Variants in JARID2 observed in about 807,000 individuals in gnomAD.
JARID2 encodes protein Jumonji.
In JARID2, 21 loss-of-function variants were observed where a neutral mutation model predicts 125.6. The ratio of observed to expected loss-of-function variants is 0.17; its 90% CI spans 0.12 to 0.24. JARID2 has a LOEUF of 0.24. Ranked by LOEUF, JARID2 falls within the 10% of genes least tolerant of loss-of-function variation. The probability of loss-of-function intolerance (pLI) is 1.00; values close to 1 mark genes in which losing one functional copy is unlikely to be tolerated. For missense variants in JARID2, 1,303 were observed against 1,639.6 expected (o/e 0.79, Z 3.55); for synonymous variants, 736 against 661.6 (o/e 1.11, Z -1.73).
At chr6:15,263,074 TTGTGTGTG>T (rs561238062) in intron 1 of JARID2, among the ~76,000 whole-genome samples, 26,819 of 139,598 alleles carry the variant, frequency 0.19, 2,477 homozygotes, top group South Asian at 0.27. Flanking sequence ...GGGTGTGTGT[TTGTGTGTG>T]TGTGTGTGTG....
chr6:15,291,945 GA>G (rs1305471791), intron 1 of JARID2, among the ~76,000 whole-genome samples: 4 of 151,598 alleles, frequency 2.6e-5, no homozygotes, highest in Admixed American at 2.0e-4. Flanking sequence ...CAAATTTTTT[GA>G]AACCTCTCTC....
chr6:15,455,151 C>T (rs999561959), intron 4 of JARID2, among the ~76,000 whole-genome samples: 4 of 150,628 alleles, frequency 2.7e-5, no homozygotes, highest in African/African-American at 4.9e-5. Flanking sequence ...CATGATTGTG[C>T]CTCAGCACTG....
At chr6:15,415,863 C>CG (rs1398655996) in intron 3 of JARID2, among the ~76,000 whole-genome samples, 1 of 143,142 alleles carries the variant, frequency 7.0e-6, no homozygotes, top group East Asian at 2.2e-4. Context: ...GCTGGCTGGG[C>CG]GGGGGCTGAC....
chr6:15,320,024 T>A (rs1762301586), intron 1 of JARID2, among the ~76,000 whole-genome samples: 1 of 152,228 alleles, frequency 6.6e-6, no homozygotes. Context: ...CAAGTAATTT[T>A]AAGTAGACAA....
At chr6:15,515,103 G>A (rs895563756) in intron 16 of JARID2, among the ~76,000 whole-genome samples, 6 of 151,682 alleles carry the variant, frequency 4.0e-5, no homozygotes, top group South Asian at 4.2e-4. Context: ...GATGGAATGC[G>A]TGCTGTGATC....
chr6:15,280,785 C>T (rs893082783), intron 1 of JARID2, among the ~76,000 whole-genome samples: 1 of 152,016 alleles, frequency 6.6e-6, no homozygotes, highest in Non-Finnish European at 1.5e-5. Flanking sequence ...TGAGCCACCA[C>T]CCCTGGCTAA....
At chr6:15,341,248 A>G (rs1176761540) in intron 1 of JARID2, among the ~76,000 whole-genome samples, 1 of 152,136 alleles carries the variant, frequency 6.6e-6, no homozygotes. Flanking sequence ...TGCTTCATGT[A>G]CCTACTGTTT....
At chr6:15,462,966 A>G (rs1768523170) in intron 4 of JARID2, among the ~76,000 whole-genome samples, 1 of 152,240 alleles carries the variant, frequency 6.6e-6, no homozygotes, top group Non-Finnish European at 1.5e-5. Context: ...TTTGCACTTC[A>G]GTAAATATTG....
At chr6:15,429,036 A>G (rs948720178) in intron 3 of JARID2, among the ~76,000 whole-genome samples, 4 of 151,696 alleles carry the variant, frequency 2.6e-5, no homozygotes, top group Non-Finnish European at 5.9e-5. Context: ...GTTGAAAGCA[A>G]CATCATCCAT....
At chr6:15,473,514 G>GCCGCCC (rs1451318951) in intron 5 of JARID2, among the ~76,000 whole-genome samples, 2 of 35,000 alleles carry the variant, frequency 5.7e-5, no homozygotes, top group African/African-American at 1.4e-4. Flanking sequence ...TGATGTGCGT[G>GCCGCCC]CCCCCCCCCC....
chr6:15,440,951 G>A (rs1273755741), intron 3 of JARID2, among the ~76,000 whole-genome samples: 6 of 152,122 alleles, frequency 3.9e-5, no homozygotes, highest in Non-Finnish European at 7.3e-5. Flanking sequence ...ATTTTTGTTG[G>A]TGATAGTTTA....
chr6:15,435,622 A>G (rs1366064764), intron 3 of JARID2, among the ~76,000 whole-genome samples: 2 of 152,016 alleles, frequency 1.3e-5, no homozygotes, highest in Admixed American at 6.5e-5. Flanking sequence ...TTGTTTGTTT[A>G]TTACCTCATT....
intron 4 of JARID2, among the ~76,000 whole-genome samples, chr6:15,455,261 ATTTT>A (rs58117035): frequency 1.1e-4 from 17 of 149,232 alleles, no homozygotes; most frequent in Middle Eastern, 3.4e-3. Context: ...GTGGCTTAAA[ATTTT>A]TTTTTTTAAA....
Position 15,337,598 on chromosome 6 carries a change from T to A in JARID2, c.46-36519T>A, listed in dbSNP as rs555582694. 9.2e-5 allele frequency among the ~76,000 whole-genome samples: 14 copies of A among 152,302 alleles called. No individual in the cohort carries two copies. In the East Asian group the frequency reaches 2.7e-3, roughly 29 times the overall value. ...CCCCTGCCCGAGGAATTCAACCTGG[T>A]CTGAACTGGGAAAAGACATAAGGAT... On this transcript the variant is annotated intron_variant, in intron 1 of 17. Coordinates refer to ENST00000341776, the MANE Select transcript of JARID2 (RefSeq NM_004973.4).
intron 1 of JARID2, among the ~76,000 whole-genome samples, chr6:15,364,109 G>A (rs1324767592): frequency 6.6e-6 from 1 of 152,090 alleles, no homozygotes; most frequent in African/African-American, 2.4e-5. Flanking sequence ...TCCTTGCTGG[G>A]GTTCGGGTGG....
chr6:15,263,907 T>C lies in JARID2; in HGVS notation c.45+17323T>C, dbSNP rs1360027044. On this transcript the variant is annotated intron_variant, in intron 1 of 17. Transcript: ENST00000341776. ...CGTGCCCGGCTGGCAATTTTTATTT[T>C]TTAGATACAGGGTGTCGCTGTGTTA... is the stretch of plus-strand genomic sequence containing the variant. Among the ~76,000 whole-genome samples the C allele has an allele frequency of 1.3e-5, 2 of 152,178 alleles. 1 individual carries two copies. Among genetic ancestry groups the C allele is most frequent in the Non-Finnish European group, 2.9e-5 (2 of 68,040 alleles).
At chr6:15,321,673 A>G (rs1006735922) in intron 1 of JARID2, among the ~76,000 whole-genome samples, 2 of 152,136 alleles carry the variant, frequency 1.3e-5, no homozygotes, top group South Asian at 4.1e-4. Context: ...TCAGTGGCTA[A>G]GTAAGTTAAC....
At position 15,452,076 on chromosome 6, in the gene JARID2, A is replaced by G; in HGVS notation, c.394A>G (p.Ile132Val). Residue 132 changes from isoleucine (I) to valine (V), a missense_variant, in exon 4 of 18, where the codon ATA becomes GTA. By Grantham distance (29) the Ile-to-Val change is conservative. Transcript: ENST00000341776. ...PNSPSTTPVK[I>V]VEPLLPPPAT... is the part of the protein sequence containing the mutation. ...TAGTCCCAGCACAACTCCAGTAAAG[A>G]TAGTGGAGCCATTGCTACCCCCTCC... 6.2e-7 allele frequency: 1 copy of G among 1,614,042 alleles called. No individual in the cohort carries two copies.
At chr6:15,356,926 A>AC (rs1763618361) in intron 1 of JARID2, among the ~76,000 whole-genome samples, 1 of 141,426 alleles carries the variant, frequency 7.1e-6, no homozygotes, top group African/African-American at 2.6e-5. Flanking sequence ...AGTCAGGAGT[A>AC]TCACTTGAGC....
Sources: gnomAD v4.1 joint callset for allele counts (sites outside exome capture counted in the v4.1 genomes callset) on GRCh38, gnomAD v4.1.1 for gene constraint, MANE v1.5 for transcripts, NCBI Gene and HGNC (gene_info 2026-07-23, HGNC 2026-07-21) for gene names.